USH2A: variants seen among roughly 807,000 people sequenced by gnomAD.
USH2A encodes the protein Usher syndrome 2A (autosomal recessive, mild).
Under a neutral mutation model 538.9 loss-of-function variants are expected in USH2A, and 443 were observed. The ratio of observed to expected loss-of-function variants is 0.82; its 90% CI spans 0.76 to 0.89. The LOEUF (loss-of-function observed/expected upper bound fraction) is 0.89. USH2A is among the 40% of genes least tolerant of loss of function. The pLI, the probability that USH2A is intolerant of heterozygous loss-of-function variation, is 0.00. For synonymous variants in USH2A, 2,413 were observed against 2,273.5 expected, an observed-to-expected ratio of 1.06 and a Z score of -1.75; for missense variants, 6,633 against 6,324.8, an observed-to-expected ratio of 1.05 and a Z score of -1.65.
At chr1:216,025,837 C>G (rs938672997) in intron 32 of USH2A, among the ~76,000 whole-genome samples, 1 of 152,000 alleles carries the variant, frequency 6.6e-6, no homozygotes, top group African/African-American at 2.4e-5. Context: ...TGATCTGCAT[C>G]CTCTTGATTT....
chr1:216,193,376 A>G (rs1466124497), intron 19 of USH2A, among the ~76,000 whole-genome samples: 1 of 152,124 alleles, frequency 6.6e-6, no homozygotes, highest in African/African-American at 2.4e-5. Flanking sequence ...TTAATGAAAA[A>G]TAAGTAATCA....
At chr1:216,260,226 G>A (rs1312919679) in intron 11 of USH2A, among the ~76,000 whole-genome samples, 1 of 152,082 alleles carries the variant, frequency 6.6e-6, no homozygotes, top group Non-Finnish European at 1.5e-5. Context: ...GACAGAAAAT[G>A]AAATTAAGAA....
chr1:215,756,969 TAAAC>T (rs1197709092), intron 58 of USH2A, among the ~76,000 whole-genome samples: 5 of 151,162 alleles, frequency 3.3e-5, no homozygotes, highest in Admixed American at 6.6e-5. Flanking sequence ...TAAATAAAAT[TAAAC>T]AAAAGTAGAA....
intron 69 of USH2A, 100 bp from the exon 70 acceptor site, chr1:215,634,803 G>C: frequency 6.3e-7 from 1 of 1,594,806 alleles, no homozygotes; most frequent in Non-Finnish European, 8.6e-7. Context: ...GGAGTTGAAA[G>C]CAGAAAGCAG....
chr1:215,738,424 G>A (rs897064530), intron 60 of USH2A, among the ~76,000 whole-genome samples: 3 of 151,928 alleles, frequency 2.0e-5, no homozygotes, highest in Non-Finnish European at 2.9e-5. Flanking sequence ...CTAAGCAGAG[G>A]GAATCATATT....
intron 19 of USH2A, 144 bp downstream of exon 19, chr1:216,196,409 T>C: frequency 1.2e-6 from 1 of 802,644 alleles, no homozygotes. Context: ...GGGAGGCTTG[T>C]ACACATAATA....
intron 58 of USH2A, among the ~76,000 whole-genome samples, chr1:215,758,286 CAAAAA>C (rs34577448): frequency 7.4e-6 from 1 of 135,244 alleles, no homozygotes. Flanking sequence ...AACTCCGTCT[CAAAAA>C]AAAAAAAAAA....
At chr1:216,170,850 G>A (rs2034264414) in intron 21 of USH2A, among the ~76,000 whole-genome samples, 1 of 151,722 alleles carries the variant, frequency 6.6e-6, no homozygotes, top group African/African-American at 2.4e-5. Flanking sequence ...CTCTCCAAAG[G>A]CACAATGATA....
At chr1:216,043,390 G>A (rs1230622900) in intron 32 of USH2A, among the ~76,000 whole-genome samples, 3 of 151,556 alleles carry the variant, frequency 2.0e-5, no homozygotes, top group African/African-American at 7.3e-5. Context: ...AAGCAACAAG[G>A]AACATAGTTG....
intron 47 of USH2A, among the ~76,000 whole-genome samples, chr1:215,829,087 T>G (rs546899605): frequency 6.6e-6 from 1 of 151,982 alleles, no homozygotes; most frequent in Non-Finnish European, 1.5e-5. Flanking sequence ...GCCAGACATG[T>G]CCGGGTTATC....
chr1:216,328,721 A>G (rs192760104), intron 4 of USH2A, among the ~76,000 whole-genome samples: 7 of 152,154 alleles, frequency 4.6e-5, no homozygotes, highest in Admixed American at 3.9e-4. Flanking sequence ...GAATTAGCAC[A>G]CGAAGTAGTC....
At chr1:215,732,872 G>A (rs943039817) in intron 60 of USH2A, among the ~76,000 whole-genome samples, 3 of 151,688 alleles carry the variant, frequency 2.0e-5, no homozygotes, top group Admixed American at 6.6e-5. Context: ...ACTACAACTC[G>A]TCTTTTAAAA....
intron 39 of USH2A, 87 bp from the exon 40 acceptor site, chr1:215,900,304 G>A (rs954406033): frequency 3.6e-6 from 5 of 1,403,992 alleles, no homozygotes; most frequent in Non-Finnish European, 2.0e-6. Context: ...AAAAATTTTA[G>A]AGGATGTCAA....
chr1:215,869,298 C>A (rs975527421), intron 43 of USH2A, among the ~76,000 whole-genome samples: 1 of 152,068 alleles, frequency 6.6e-6, no homozygotes, highest in South Asian at 2.1e-4. Flanking sequence ...ATACTGCCAA[C>A]ATAATAGTGA....
intron 63 of USH2A, among the ~76,000 whole-genome samples, chr1:215,673,378 T>A (rs958300387): frequency 6.6e-6 from 1 of 152,224 alleles, no homozygotes; most frequent in Admixed American, 6.5e-5. Context: ...TACTAAATTT[T>A]AAGCATAAAA....
At chr1:215,846,120 GAAA>G (rs558614513) in intron 44 of USH2A, 87 bp from the exon 45 acceptor site, 2 of 1,330,808 alleles carry the variant, frequency 1.5e-6, no homozygotes, top group Admixed American at 2.0e-5. Flanking sequence ...TCTAGAATGA[GAAA>G]AAAAGAAGTT....
At chr1:216,086,557 T>C (rs1447033937) in intron 24 of USH2A, among the ~76,000 whole-genome samples, 162 bp downstream of exon 24, 1 of 152,114 alleles carries the variant, frequency 6.6e-6, no homozygotes, top group African/African-American at 2.4e-5. Context: ...ATGGAATACA[T>C]GGTTCCTTTA....
At position 215,878,859 on chromosome 1, in the gene USH2A, A is replaced by G. The variant is rs1664837798; in HGVS notation, c.8463T>C (p.Pro2821=). 6.2e-7 allele frequency: 1 copy of G among 1,613,952 alleles called. No individual in the cohort carries two copies. The highest frequency in any genetic ancestry group is 8.5e-7 in the Non-Finnish European group (1 of 1,179,982). ...TCACAGACAATGGGCCAACATTCTG[A>G]GGTACGGTGGGGTGAGTGGTAACAT... ...PTYVTTHPTV[P]QNVGPLSVIP... The change falls in exon 42 of 72, where the codon CCT becomes CCC. Residue 2821 remains proline, a synonymous_variant. Transcript: ENST00000307340.
At chr1:215,629,528 G>A (rs756319927) in intron 70 of USH2A, among the ~76,000 whole-genome samples, 7 of 152,060 alleles carry the variant, frequency 4.6e-5, no homozygotes, top group Non-Finnish European at 8.8e-5. Context: ...CACTTTAAAA[G>A]TCCTGGATTT....
Sources: gnomAD v4.1 joint callset for allele counts (sites outside exome capture counted in the v4.1 genomes callset) on GRCh38, gnomAD v4.1.1 for gene constraint, MANE v1.5 for transcripts, NCBI Gene and HGNC (gene_info 2026-07-23, HGNC 2026-07-21) for gene names.